The following VWA2 variants were observed in gnomAD, a reference collection of about 807,000 sequenced individuals.
VWA2 encodes the protein von Willebrand factor A domain containing 2, also known as von Willebrand factor A domain-containing protein 2.
VWA2 carries 73 observed loss-of-function variants against 70.4 expected under a neutral mutation model. The ratio of observed to expected loss-of-function variants is 1.04; its 90% CI spans 0.86 to 1.26. The LOEUF is 1.26. VWA2 is among the 50% of genes most tolerant of loss of function. The probability of loss-of-function intolerance (pLI) is 0.00; values close to 1 mark genes in which losing one functional copy is unlikely to be tolerated. For missense variants in VWA2, 1,011 were observed against 998.5 expected (o/e 1.01, Z -0.17); for synonymous variants, 407 against 423.3 (o/e 0.96, Z 0.47).
At chr10:114,269,673 A>G (rs2037663426) in intron 5 of VWA2, among the ~76,000 whole-genome samples, 2 of 152,206 alleles carry the variant, frequency 1.3e-5, no homozygotes, top group South Asian at 4.1e-4. Context: ...TGAAGGGGCC[A>G]AGGGCAGACC....
At chr10:114,284,739 G>GT in intron 9 of VWA2, 124 bp from the exon 10 acceptor site, 1 of 849,396 alleles carries the variant, frequency 1.2e-6, no homozygotes. Context: ...CTGGTGGACT[G>GT]TGGGGGAAGG....
Position 114,286,464 on chromosome 10 carries a change from A to G in VWA2, c.1523A>G (p.Asn508Ser), listed in dbSNP as rs371896119. 1 of 1,602,946 alleles carries G rather than the reference A, an allele frequency of 6.2e-7. No individual in the cohort carries two copies. Among genetic ancestry groups the G allele is most frequent in the East Asian group, 2.2e-5 (1 of 44,656 alleles). ...MVYSDPQDLF[N>S]QIPELQGKLC... ...TACTCGGATCCTCAGGATCTGTTCA[A>G]CCAAATCCCTGAGCTGCAGGGGAAG... Residue 508 changes from asparagine (N) to serine (S), a missense_variant, in exon 11 of 14, where the codon AAC becomes AGC. By Grantham distance (46) the Asn-to-Ser change is conservative. Coordinates refer to ENST00000392982, the MANE Select transcript of VWA2 (RefSeq NM_001272046.2).
Position 114,294,163 on chromosome 10 carries a change from C to T in VWA2, c.*2926C>T, listed in dbSNP as rs1304739071. Among the ~76,000 whole-genome samples the T allele has an allele frequency of 6.6e-6, 1 of 152,108 alleles. No individual in the cohort carries two copies. Among genetic ancestry groups the T allele is most frequent in the African/African-American group, 2.4e-5 (1 of 41,422 alleles). On this transcript the variant is annotated 3_prime_UTR_variant, in exon 14 of 14. Coordinates refer to ENST00000392982, the MANE Select transcript of VWA2 (RefSeq NM_001272046.2). Reference sequence around the variant, plus strand: ...TGGTCATTATGCATCATTCTATAAACCCTGCTGAATTTTTCATTTGCCAAC... The same window carrying T: ...TGGTCATTATGCATCATTCTATAAATCCTGCTGAATTTTTCATTTGCCAAC...
At position 114,261,098 on chromosome 10, in the gene VWA2, G is replaced by T. The variant is rs570826707; in HGVS notation, c.262-88G>T. Reference sequence around the variant, plus strand: ...GTTTGTTGAGTGGATGGGAGGCAGGGTTGTTAACTTTTCTTGCCCCTTCTT... The same window carrying T: ...GTTTGTTGAGTGGATGGGAGGCAGGTTTGTTAACTTTTCTTGCCCCTTCTT... On this transcript the variant is annotated intron_variant, in intron 4 of 13. Transcript: ENST00000392982. 213 of 908,338 alleles carry T rather than the reference G, an allele frequency of 2.3e-4. 1 individual carries two copies. The African/African-American group carries it at 3.1e-3, about 13-fold the overall frequency. The allele number at this position is 908,338 out of a possible 1,614,324, so 56.3% of individuals were successfully genotyped here. A position where few individuals can be genotyped will look rare whatever the true frequency, so the allele number is the denominator to read the frequency against.
At position 114,286,060 on chromosome 10, in the gene VWA2, G is replaced by A; in HGVS notation, c.1119G>A (p.Val373=). ...KVFVKRFVRA[V]LSEDSRARVG... Reference sequence around the variant, plus strand: ...TCGTGAAGCGGTTTGTGCGGGCCGTGCTGAGCGAGGACTCTCGGGCCCGAG... The same window carrying A: ...TCGTGAAGCGGTTTGTGCGGGCCGTACTGAGCGAGGACTCTCGGGCCCGAG... Residue 373 remains valine, a synonymous_variant, in exon 11 of 14, where the codon GTG becomes GTA. Transcript: ENST00000392982. The A allele has an allele frequency of 6.2e-7, 1 of 1,614,154 alleles. No homozygotes were observed. Among genetic ancestry groups the A allele is most frequent in the Non-Finnish European group, 8.5e-7 (1 of 1,180,038 alleles).
intron 5 of VWA2, among the ~76,000 whole-genome samples, chr10:114,269,668 G>A (rs934111111): frequency 6.6e-6 from 1 of 152,176 alleles, no homozygotes; most frequent in African/African-American, 2.4e-5. Flanking sequence ...AATTCTGAAG[G>A]GGCCAAGGGC....
chr10:114,290,356 T>C lies in VWA2; in HGVS notation c.2239T>C (p.Cys747Arg). 6.4e-7 allele frequency: 1 copy of C among 1,550,508 alleles called. No homozygotes were observed. The highest frequency in any genetic ancestry group is 8.7e-7 in the Non-Finnish European group (1 of 1,146,956). Residue 747 changes from cysteine (C) to arginine (R), a missense_variant, in exon 13 of 14, where the codon TGC (cysteine) becomes CGC (arginine). Physicochemically the swap from Cys to Arg is radical, Grantham distance 180. Coordinates refer to ENST00000392982, the MANE Select transcript of VWA2 (RefSeq NM_001272046.2). ...TCGGGATGGCTGGGAGGGCCCCCAC[T>C]GCGAGAACCGTGAGTGGAGCTCTTG... is the stretch of plus-strand genomic sequence containing the variant. Reference protein sequence around the residue: ...KCRDGWEGPHCENRFLRRP With the variant: ...KCRDGWEGPHRENRFLRRP
At chr10:114,267,620 T>G (rs2037600889) in intron 5 of VWA2, among the ~76,000 whole-genome samples, 1 of 150,748 alleles carries the variant, frequency 6.6e-6, no homozygotes, top group Non-Finnish European at 1.5e-5. Flanking sequence ...TTTTGTATTT[T>G]TAGTAGAGAT....
intron 5 of VWA2, among the ~76,000 whole-genome samples, chr10:114,264,101 C>A (rs1589752633): frequency 6.6e-6 from 1 of 152,272 alleles, no homozygotes; most frequent in East Asian, 1.9e-4. Context: ...TTTGGCAGTT[C>A]CTCAAAATGT....
In VWA2 at chr10:114,289,308, T is replaced by G. The variant is rs747850496; in HGVS notation, c.1941T>G (p.Asp647Glu). Residue 647 changes from aspartate (D) to glutamate (E), a missense_variant, in exon 12 of 14, where the codon GAT becomes GAG. Transcript: ENST00000392982. The stretch of plus-strand genomic sequence containing the variant: ...TCACAGGCGGGAGAGGCGCAGAGGA[T>G]GCAGCCGTTCCTGCCCAGAAGCTGA... Reference protein sequence around the residue: ...VVLTGGRGAEDAAVPAQKLRN... With the variant: ...VVLTGGRGAEEAAVPAQKLRN... 1.2e-6 allele frequency: 2 copies of G among 1,614,112 alleles called. No individual in the cohort carries two copies. The highest frequency in any genetic ancestry group is 1.1e-5 in the South Asian group (1 of 91,078).
chr10:114,263,971 T>TAC (rs2037504211), intron 5 of VWA2, among the ~76,000 whole-genome samples: 1 of 152,244 alleles, frequency 6.6e-6, no homozygotes, highest in Non-Finnish European at 1.5e-5. Flanking sequence ...TACCATGTCA[T>TAC]AGCCACTACG....
At chr10:114,243,490 G>C (rs1395472417) in intron 1 of VWA2, among the ~76,000 whole-genome samples, 1 of 152,164 alleles carries the variant, frequency 6.6e-6, no homozygotes, top group Non-Finnish European at 1.5e-5. Context: ...TTCCCCACCG[G>C]ATATTTTTAC....
chr10:114,247,670 A>C (rs2037102175), intron 1 of VWA2, among the ~76,000 whole-genome samples: 1 of 152,114 alleles, frequency 6.6e-6, no homozygotes, highest in South Asian at 2.1e-4. Context: ...TGTCAAAAAA[A>C]AAAACAAAAC....
intron 11 of VWA2, 119 bp downstream of exon 11, chr10:114,286,630 C>T (rs2133594411): frequency 1.2e-6 from 1 of 843,606 alleles, no homozygotes; most frequent in Non-Finnish European, 1.8e-6. Context: ...AACCACAGCC[C>T]CACTCTTTCA....
At chr10:114,280,495 A>G (rs1183155096) in intron 8 of VWA2, among the ~76,000 whole-genome samples, 1 of 152,172 alleles carries the variant, frequency 6.6e-6, no homozygotes. Flanking sequence ...AGGGCCTTGC[A>G]GAGCATGTGG....
intron 6 of VWA2, among the ~76,000 whole-genome samples, chr10:114,274,787 G>A (rs969258682): frequency 2.6e-5 from 4 of 152,216 alleles, no homozygotes; most frequent in South Asian, 2.1e-4. Flanking sequence ...GAGCCACTGC[G>A]CCTGGCGTTG....
At chr10:114,278,568 A>T in intron 7 of VWA2, 151 bp from the exon 8 acceptor site, 2 of 1,115,906 alleles carry the variant, frequency 1.8e-6, no homozygotes, top group Admixed American at 2.3e-5. Flanking sequence ...TCACCCAGAG[A>T]TATGCCCTGA....
In VWA2 at chr10:114,291,538, G is replaced by A. The variant is rs1048001382; in HGVS notation, c.*301G>A. 1.6e-5 allele frequency: 6 copies of A among 371,762 alleles called. No individual in the cohort carries two copies. Among genetic ancestry groups the A allele is most frequent in the Non-Finnish European group, 2.4e-5 (5 of 205,988 alleles). The allele number at this position is 371,762 out of a possible 1,614,324, so 23.0% of individuals were successfully genotyped here. On this transcript the variant is annotated 3_prime_UTR_variant, in exon 14 of 14. Transcript: ENST00000392982. Reference sequence around the variant, plus strand: ...ACCTGCTGTGCCTTGTTGAGGCTATGTCATCTGCCACCTTTCCCTTGAGGA... The same window carrying A: ...ACCTGCTGTGCCTTGTTGAGGCTATATCATCTGCCACCTTTCCCTTGAGGA...
At chr10:114,246,134 G>A (rs1042010351) in intron 1 of VWA2, 6 of 1,063,556 alleles carry the variant, frequency 5.6e-6, no homozygotes, top group Non-Finnish European at 8.6e-6. Context: ...GAGCCTTGGT[G>A]TTCTTTGCTA....
Sources: gnomAD v4.1 joint callset for allele counts (sites outside exome capture counted in the v4.1 genomes callset) on GRCh38, gnomAD v4.1.1 for gene constraint, MANE v1.5 for transcripts, NCBI Gene and HGNC (gene_info 2026-07-23, HGNC 2026-07-21) for gene names.